The following ACSS3 variants were observed in gnomAD, a reference collection of about 807,000 sequenced individuals.
ACSS3 encodes the protein acyl-CoA synthetase short-chain family member 3, mitochondrial.
Under a neutral mutation model 84.2 loss-of-function variants are expected in ACSS3, and 64 were observed. That is an observed-to-expected ratio of 0.76 (90% CI 0.62 to 0.94). The LOEUF (loss-of-function observed/expected upper bound fraction) is 0.94, where lower values mean the gene tolerates loss of function less well. ACSS3 is among the 40% of genes least tolerant of loss of function. The probability of loss-of-function intolerance (pLI) is 0.00; values close to 1 mark genes in which losing one functional copy is unlikely to be tolerated. For missense variants in ACSS3, 815 were observed against 867.6 expected, an observed-to-expected ratio of 0.94 and a Z score of 0.76; for synonymous variants, 317 against 310.1, an observed-to-expected ratio of 1.02 and a Z score of -0.23.
chr12:81,234,279 G>A (rs139606439), intron 13 of ACSS3, among the ~76,000 whole-genome samples: 1,576 of 151,182 alleles, frequency 0.01, 20 homozygotes, highest in Non-Finnish European at 0.015. Flanking sequence ...GTACTAACAA[G>A]TTTACGTATC....
chr12:81,249,053 G>C (rs576444834), intron 13 of ACSS3, among the ~76,000 whole-genome samples: 1 of 151,922 alleles, frequency 6.6e-6, no homozygotes, highest in African/African-American at 2.4e-5. Flanking sequence ...AAGTAAAAAT[G>C]AGGGCCTTCT....
chr12:81,176,184 A>G (rs1309831387), intron 8 of ACSS3, among the ~76,000 whole-genome samples: 1 of 152,210 alleles, frequency 6.6e-6, no homozygotes, highest in Non-Finnish European at 1.5e-5. Context: ...GATTCAACAG[A>G]AATGTAAAAA....
In ACSS3 at chr12:81,259,881, A is replaced by G. The variant is rs552150314; in HGVS notation, c.*4959A>G. ...CTTAACAAATAATAGAATTTGCTCA[A>G]CTTTGTGGAAAGTATGGCAGTAATG... On this transcript the variant is annotated 3_prime_UTR_variant, in exon 16 of 16. Coordinates refer to ENST00000548058, the MANE Select transcript of ACSS3 (RefSeq NM_024560.4). 25 of 391,724 alleles carry G rather than the reference A, an allele frequency of 6.4e-5. No homozygotes were observed. The highest frequency in any genetic ancestry group is 1.1e-4 in the Non-Finnish European group (24 of 219,502). 24.3% of individuals were successfully genotyped at this position (391,724 alleles called of 1,614,324 possible). A position where few individuals can be genotyped will look rare whatever the true frequency, so the allele number is the denominator to read the frequency against.
intron 13 of ACSS3, among the ~76,000 whole-genome samples, chr12:81,244,885 G>A (rs2136000382): frequency 6.6e-6 from 1 of 151,616 alleles, no homozygotes; most frequent in East Asian, 1.9e-4. Context: ...TGTTTCTAAT[G>A]CTTCTTCAGT....
At chr12:81,162,556 G>A (rs1469130554) in intron 7 of ACSS3, among the ~76,000 whole-genome samples, 2 of 152,114 alleles carry the variant, frequency 1.3e-5, no homozygotes, top group African/African-American at 4.8e-5. Flanking sequence ...TTCTCACTCT[G>A]GGCCTGGGAC....
intron 2 of ACSS3, among the ~76,000 whole-genome samples, chr12:81,118,230 T>C (rs1884219841): frequency 6.6e-6 from 1 of 152,216 alleles, no homozygotes; most frequent in African/African-American, 2.4e-5. Flanking sequence ...AATAAGGACG[T>C]GCAGTAAAAT....
intron 1 of ACSS3, among the ~76,000 whole-genome samples, chr12:81,105,942 A>G (rs926630370): frequency 6.6e-5 from 10 of 152,196 alleles, no homozygotes; most frequent in Non-Finnish European, 1.3e-4. Context: ...AAAATGAAGG[A>G]CAGCCACAGA....
intron 9 of ACSS3, among the ~76,000 whole-genome samples, chr12:81,213,554 C>G (rs2032678992): frequency 1.4e-5 from 2 of 146,862 alleles, no homozygotes; most frequent in Admixed American, 1.4e-4. Context: ...CAATAGTTCT[C>G]TTTCCTCCTC....
chr12:81,133,192 T>G (rs961908991), intron 2 of ACSS3, among the ~76,000 whole-genome samples: 1 of 151,792 alleles, frequency 6.6e-6, no homozygotes, highest in African/African-American at 2.4e-5. Context: ...ACAGAGGAAG[T>G]GAATAAATAG....
chr12:81,251,262 G>C (rs1368066456), intron 13 of ACSS3, among the ~76,000 whole-genome samples: 5 of 152,060 alleles, frequency 3.3e-5, no homozygotes, highest in African/African-American at 1.2e-4. Flanking sequence ...GGAGTATTTG[G>C]GTCAGTAAAA....
At chr12:81,115,862 T>G (rs1225163855) in intron 2 of ACSS3, among the ~76,000 whole-genome samples, 1 of 152,110 alleles carries the variant, frequency 6.6e-6, no homozygotes, top group Non-Finnish European at 1.5e-5. Context: ...AGGTCTACAC[T>G]CTCTCAGTTT....
intron 9 of ACSS3, among the ~76,000 whole-genome samples, chr12:81,213,620 CTCCCCTCTCCTCACCT>C (rs2032707232): frequency 4.6e-5 from 1 of 21,912 alleles, no homozygotes; most frequent in African/African-American, 1.9e-4. Flanking sequence ...CCCTCCCCTC[CTCCCCTCTCCTCACCT>C]CCTCCCCTCC....
In ACSS3 at chr12:81,078,082, A is replaced by T; in HGVS notation, c.-39A>T. The T allele has an allele frequency of 6.9e-7, 1 of 1,447,612 alleles. No individual in the cohort carries two copies. Among genetic ancestry groups the T allele is most frequent in the Non-Finnish European group, 9.1e-7 (1 of 1,101,640 alleles). 89.7% of individuals were successfully genotyped at this position (1,447,612 alleles called of 1,614,324 possible). A position where few individuals can be genotyped will look rare whatever the true frequency, so the allele number is the denominator to read the frequency against. ...GGCCCCAGGAAGTTGCAAGAGTACCATTTGTCGCACACTCGGGGACCGCGG... is the reference window on the plus strand; with the variant it reads ...GGCCCCAGGAAGTTGCAAGAGTACCTTTTGTCGCACACTCGGGGACCGCGG... On this transcript the variant is annotated 5_prime_UTR_variant, in exon 1 of 16. Coordinates refer to ENST00000548058, the MANE Select transcript of ACSS3 (RefSeq NM_024560.4).
chr12:81,166,453 G>A (rs938051761), intron 7 of ACSS3, among the ~76,000 whole-genome samples: 4 of 152,180 alleles, frequency 2.6e-5, no homozygotes, highest in Non-Finnish European at 5.9e-5. Context: ...AAGTTACCAG[G>A]TGAAGATTGA....
intron 11 of ACSS3, among the ~76,000 whole-genome samples, chr12:81,230,415 A>C (rs982805764): frequency 2.0e-5 from 3 of 151,898 alleles, no homozygotes; most frequent in African/African-American, 4.8e-5. Flanking sequence ...AAATGAAAGA[A>C]GTATAAGGAG....
chr12:81,198,878 A>C (rs1050331160), intron 8 of ACSS3, among the ~76,000 whole-genome samples: 1 of 152,176 alleles, frequency 6.6e-6, no homozygotes, highest in African/African-American at 2.4e-5. Context: ...TTATCATAGG[A>C]TCTCACAAGA....
rs1468339393 is a variant in ACSS3, at chr12:81,213,823, CT to C, written c.1355-3076del. On this transcript the variant is annotated intron_variant, in intron 9 of 15. Coordinates refer to ENST00000548058, the MANE Select transcript of ACSS3 (RefSeq NM_024560.4). ...CTTCTCTTCTCTTCTCTTCTCTTCTCTTCTCTTCTCTTCTCTTCTCTCCTCT... is the reference window on the plus strand; with the variant it reads ...CTTCTCTTCTCTTCTCTTCTCTTCTCTCTCTTCTCTTCTCTTCTCTCCTCT... Among the ~76,000 whole-genome samples the C allele has an allele frequency of 7.3e-3, 597 of 81,542 alleles. 14 individuals carry two copies. Among genetic ancestry groups the C allele is most frequent in the African/African-American group, 0.022 (561 of 24,998 alleles). The allele number at this position is 81,542 out of a possible 152,430, so 53.5% of individuals were successfully genotyped here.
At chr12:81,110,569 G>C (rs74899294) in intron 2 of ACSS3, among the ~76,000 whole-genome samples, 2,869 of 152,288 alleles carry the variant, frequency 0.019, 55 homozygotes, top group African/African-American at 0.045. Flanking sequence ...GAGAGGTAAT[G>C]GTGCAAGGCA....
chr12:81,180,691 T>C (rs910786894), intron 8 of ACSS3, among the ~76,000 whole-genome samples: 4 of 152,046 alleles, frequency 2.6e-5, no homozygotes, highest in African/African-American at 9.7e-5. Flanking sequence ...AATTTTTGTA[T>C]TATTAGCAGA....
Sources: gnomAD v4.1 joint callset for allele counts (sites outside exome capture counted in the v4.1 genomes callset) on GRCh38, gnomAD v4.1.1 for gene constraint, MANE v1.5 for transcripts, NCBI Gene and HGNC (gene_info 2026-07-23, HGNC 2026-07-21) for gene names.